The following SDC2 variants were observed in gnomAD, a reference collection of about 807,000 sequenced individuals.
SDC2 encodes syndecan-2.
A neutral mutation model predicts 22.2 loss-of-function variants in SDC2; 13 were observed. The ratio of observed to expected loss-of-function variants is 0.59; its 90% confidence interval spans 0.38 to 0.93. The LOEUF is 0.93. Ranked by LOEUF, SDC2 falls within the 40% of genes least tolerant of loss-of-function variation. The pLI, the probability that SDC2 is intolerant of heterozygous loss-of-function variation, is 0.00. For missense variants in SDC2, 235 were observed against 246.8 expected (o/e 0.95, Z 0.32); for synonymous variants, 94 against 92.8 (o/e 1.01, Z -0.07).
chr8:96,504,759 T>G (rs1310906773), intron 1 of SDC2, among the ~76,000 whole-genome samples: 1 of 152,252 alleles, frequency 6.6e-6, no homozygotes, highest in African/African-American at 2.4e-5. Context: ...GGACATATAT[T>G]TTCACAAATT....
intron 1 of SDC2, among the ~76,000 whole-genome samples, chr8:96,541,713 G>A (rs2130514014): frequency 6.6e-6 from 1 of 152,270 alleles, no homozygotes; most frequent in Non-Finnish European, 1.5e-5. Context: ...TAGGGAGTTA[G>A]TGTTTAATGG....
At chr8:96,551,049 T>A (rs567063515) in intron 1 of SDC2, among the ~76,000 whole-genome samples, 31 of 152,306 alleles carry the variant, frequency 2.0e-4, no homozygotes, top group Admixed American at 4.6e-4. Context: ...AGCATGTTCA[T>A]GCAAGTCCCC....
At chr8:96,524,622 C>T (rs1380955030) in intron 1 of SDC2, among the ~76,000 whole-genome samples, 1 of 152,022 alleles carries the variant, frequency 6.6e-6, no homozygotes, top group Non-Finnish European at 1.5e-5. Flanking sequence ...TTTGTCCTAG[C>T]TCCCCCACTG....
chr8:96,535,166 G>A lies in SDC2; in HGVS notation c.60+40835G>A, dbSNP rs1394106777. Among the ~76,000 whole-genome samples the A allele has an allele frequency of 5.3e-5, 8 of 152,004 alleles. No homozygotes were observed. In the East Asian group the frequency reaches 5.8e-4, roughly 11 times the overall value. The stretch of plus-strand genomic sequence containing the variant: ...TGGGATTACAGGCATGTGCCACCAC[G>A]CCCAGCTAATTTTTGTATTTTTAGT... On this transcript the variant is annotated intron_variant, in intron 1 of 4. Coordinates refer to ENST00000302190, the MANE Select transcript of SDC2 (RefSeq NM_002998.4).
intron 1 of SDC2, among the ~76,000 whole-genome samples, chr8:96,587,665 C>T (rs1052090909): frequency 7.2e-5 from 11 of 152,150 alleles, no homozygotes; most frequent in Admixed American, 6.5e-4. Flanking sequence ...GAACTCAAAA[C>T]TCTCAGTGCA....
rs116175906 is a variant in SDC2, at chr8:96,580,459, G to A, written c.61-13021G>A. On this transcript the variant is annotated intron_variant, in intron 1 of 4. Transcript: ENST00000302190. ...CAGCTGTTGCTTGTTGCCACTGAGGGGTGGACATGTTTTCATTTGGCATCT... is the reference window on the plus strand; with the variant it reads ...CAGCTGTTGCTTGTTGCCACTGAGGAGTGGACATGTTTTCATTTGGCATCT... 1,340 of 985,246 alleles carry A rather than the reference G, an allele frequency of 1.4e-3. 20 individuals carry two copies. In the African/African-American group the frequency reaches 0.022, roughly 16 times the overall value. The allele number at this position is 985,246 out of a possible 1,614,324, so 61.0% of individuals were successfully genotyped here. A position where few individuals can be genotyped will look rare whatever the true frequency, so the allele number is the denominator to read the frequency against.
chr8:96,515,590 G>A (rs1000786744), intron 1 of SDC2, among the ~76,000 whole-genome samples: 1 of 152,184 alleles, frequency 6.6e-6, no homozygotes, highest in African/African-American at 2.4e-5. Flanking sequence ...CCAGCTGTCC[G>A]TGTTCTGTGG....
At position 96,605,378 on chromosome 8, in the gene SDC2, C is replaced by G. The variant is rs1355449236; in HGVS notation, c.306+2850C>G. ...GTACTAATGAGCAGTGAAAAGGTCT[C>G]TAGACTAGAACCCAGATAATCCATT... On this transcript the variant is annotated intron_variant, in intron 3 of 4. Transcript: ENST00000302190. Among the ~76,000 whole-genome samples the G allele has an allele frequency of 5.3e-5, 8 of 152,202 alleles. No individual in the cohort carries two copies. The East Asian group carries it at 1.5e-3, about 29-fold the overall frequency.
intron 1 of SDC2, among the ~76,000 whole-genome samples, chr8:96,557,391 A>C (rs1433217991): frequency 7.1e-6 from 1 of 141,146 alleles, no homozygotes; most frequent in African/African-American, 2.6e-5. Context: ...TCCAACAATG[A>C]TAGACTGGAT....
At chr8:96,509,961 C>T (rs1813303687) in intron 1 of SDC2, among the ~76,000 whole-genome samples, 1 of 152,106 alleles carries the variant, frequency 6.6e-6, no homozygotes, top group African/African-American at 2.4e-5. Flanking sequence ...GATTTGGAAA[C>T]ATTCGAGAGG....
rs150882376 is a variant in SDC2, at chr8:96,544,210, G to A, written c.61-49270G>A. 1.5e-3 allele frequency among the ~76,000 whole-genome samples: 231 copies of A among 152,238 alleles called. 3 individuals are homozygous for A. Among genetic ancestry groups the A allele is most frequent in the African/African-American group, 5.4e-3 (225 of 41,540 alleles). The stretch of plus-strand genomic sequence containing the variant: ...AAAAAAATAACCTCGGTGCCTTTGG[G>A]CTAATTGGATGTGTACTTACCTATC... On this transcript the variant is annotated intron_variant, in intron 1 of 4. Coordinates refer to ENST00000302190, the MANE Select transcript of SDC2 (RefSeq NM_002998.4).
intron 1 of SDC2, among the ~76,000 whole-genome samples, chr8:96,589,352 G>C (rs1171647915): frequency 6.6e-6 from 1 of 152,014 alleles, no homozygotes; most frequent in African/African-American, 2.4e-5. Flanking sequence ...GAGGCCACTT[G>C]GTAAAGAACT....
intron 1 of SDC2, among the ~76,000 whole-genome samples, chr8:96,499,048 C>T (rs1014039052): frequency 1.2e-4 from 19 of 152,160 alleles, no homozygotes; most frequent in Non-Finnish European, 2.5e-4. Context: ...GATTTATAAG[C>T]GGCCCCATAA....
intron 2 of SDC2, among the ~76,000 whole-genome samples, chr8:96,598,617 AAAAT>A (rs1242209704): frequency 2.0e-4 from 31 of 152,098 alleles, no homozygotes; most frequent in Admixed American, 1.8e-3. Context: ...ATTCCATCTC[AAAAT>A]AAATAAATAA....
chr8:96,501,137 T>TA (rs1813155648), intron 1 of SDC2, among the ~76,000 whole-genome samples: 1 of 152,144 alleles, frequency 6.6e-6, no homozygotes, highest in South Asian at 2.1e-4. Flanking sequence ...TGTTTTTTTT[T>TA]ATGATTACAC....
At chr8:96,513,589 G>A (rs1391892306) in intron 1 of SDC2, among the ~76,000 whole-genome samples, 2 of 152,184 alleles carry the variant, frequency 1.3e-5, no homozygotes, top group African/African-American at 4.8e-5. Context: ...TGTGCCAGGG[G>A]TTCTGTTTTT....
chr8:96,571,597 T>C (rs1189884720), intron 1 of SDC2, among the ~76,000 whole-genome samples: 1 of 152,246 alleles, frequency 6.6e-6, no homozygotes, highest in Non-Finnish European at 1.5e-5. Context: ...CTTGTTTGGC[T>C]AGCAGAGAAG....
At chr8:96,547,063 A>G (rs1016930586) in intron 1 of SDC2, among the ~76,000 whole-genome samples, 2 of 152,232 alleles carry the variant, frequency 1.3e-5, no homozygotes, top group African/African-American at 4.8e-5. Flanking sequence ...ACAATTTTTT[A>G]AAAGCCATCA....
At chr8:96,590,044 T>G (rs1265092538) in intron 1 of SDC2, among the ~76,000 whole-genome samples, 1 of 152,230 alleles carries the variant, frequency 6.6e-6, no homozygotes, top group Admixed American at 6.5e-5. Context: ...GTGCTTCAGT[T>G]TCCCTGGCTG....
Sources: gnomAD v4.1 joint callset for allele counts (sites outside exome capture counted in the v4.1 genomes callset) on GRCh38, gnomAD v4.1.1 for gene constraint, MANE v1.5 for transcripts, NCBI Gene and HGNC (gene_info 2026-07-23, HGNC 2026-07-21) for gene names.